The following MTUS1 variants were observed in gnomAD, a reference collection of about 807,000 sequenced individuals.
The protein encoded by MTUS1 is microtubule-associated tumor suppressor 1.
A neutral mutation model predicts 120.8 loss-of-function variants in MTUS1; 109 were observed. The ratio of observed to expected loss-of-function variants is 0.90; its 90% confidence interval spans 0.77 to 1.06. MTUS1 has a LOEUF of 1.06. Among genes scored for constraint, MTUS1 ranks in the 50% least tolerant of loss-of-function variants. MTUS1 has a pLI of 0.00. For synonymous variants in MTUS1, 737 were observed against 550.5 expected, an observed-to-expected ratio of 1.34 and a Z score of -4.74; for missense variants, 2,210 against 1,486.3, an observed-to-expected ratio of 1.49 and a Z score of -8.01.
chr8:17,681,507 A>G (rs1814499337), intron 7 of MTUS1: 1 of 154,812 alleles, frequency 6.5e-6, no homozygotes, highest in East Asian at 1.9e-4. Context: ...CAATTTTCAT[A>G]TTTGTAAATT....
At chr8:17,673,448 G>A (rs554816431) in intron 8 of MTUS1, among the ~76,000 whole-genome samples, 1 of 152,242 alleles carries the variant, frequency 6.6e-6, no homozygotes, top group East Asian at 1.9e-4. Context: ...GGGGAAAAGG[G>A]AAGATGAATG....
intron 8 of MTUS1, among the ~76,000 whole-genome samples, chr8:17,673,635 TG>T (rs1812476044): frequency 6.6e-6 from 1 of 152,132 alleles, no homozygotes; most frequent in African/African-American, 2.4e-5. Context: ...AATTATTTTT[TG>T]TAGAGTCAGG....
intron 1 of MTUS1, among the ~76,000 whole-genome samples, chr8:17,772,612 T>C (rs1463625203): frequency 1.3e-5 from 2 of 152,156 alleles, no homozygotes; most frequent in African/African-American, 2.4e-5. Flanking sequence ...CTCTAGTAGG[T>C]TGTTGCAAAG....
At chr8:17,749,887 C>T (rs2048055816) in intron 2 of MTUS1, among the ~76,000 whole-genome samples, 1 of 152,098 alleles carries the variant, frequency 6.6e-6, no homozygotes, top group Non-Finnish European at 1.5e-5. Flanking sequence ...TGTCATGGGC[C>T]ACTGGTCACT....
chr8:17,755,724 T>C lies in MTUS1; in HGVS notation c.84A>G (p.Ala28=), dbSNP rs2048562599. 1 of 1,614,202 alleles carries C rather than the reference T, an allele frequency of 6.2e-7. No individual in the cohort carries two copies. The highest frequency in any genetic ancestry group is 8.5e-7 in the Non-Finnish European group (1 of 1,180,022). The change falls in exon 2 of 15, where the codon GCA becomes GCG. Residue 28 remains alanine, a synonymous_variant. Transcript: ENST00000693296. Reference sequence around the variant, plus strand: ...GTGTAGGTGGTGATTTCGGGTTGTATGCATGTGTATTTCCATCTTTATCAC... The same window carrying C: ...GTGTAGGTGGTGATTTCGGGTTGTACGCATGTGTATTTCCATCTTTATCAC... The part of the protein sequence containing the change: ...FTSDKDGNTH[A]YNPKSPPTQN...
At chr8:17,764,264 A>C (rs1187168131) in intron 1 of MTUS1, among the ~76,000 whole-genome samples, 1 of 152,202 alleles carries the variant, frequency 6.6e-6, no homozygotes, top group Non-Finnish European at 1.5e-5. Context: ...TTGGGGATAC[A>C]GAGAATCAGG....
At chr8:17,714,832 T>TCTCA (rs1034295206) in intron 5 of MTUS1, among the ~76,000 whole-genome samples, 3 of 151,564 alleles carry the variant, frequency 2.0e-5, no homozygotes, top group African/African-American at 7.3e-5. Context: ...AGGTCAAGTT[T>TCTCA]CTCACTCACA....
chr8:17,776,963 A>C (rs955760799), intron 1 of MTUS1, among the ~76,000 whole-genome samples: 1 of 152,080 alleles, frequency 6.6e-6, no homozygotes, highest in East Asian at 1.9e-4. Context: ...ATTTCATGAT[A>C]TCTTACTTAA....
At chr8:17,799,469 G>A (rs1466831170) in intron 1 of MTUS1, among the ~76,000 whole-genome samples, 1 of 151,954 alleles carries the variant, frequency 6.6e-6, no homozygotes, top group African/African-American at 2.4e-5. Context: ...GATTATCTTT[G>A]CTGAAATTGC....
chr8:17,701,970 A>T (rs529576421), intron 6 of MTUS1, among the ~76,000 whole-genome samples: 237 of 152,320 alleles, frequency 1.6e-3, no homozygotes, highest in Non-Finnish European at 1.6e-3. Context: ...TTTCCATGGG[A>T]TTAAATAAGC....
Position 17,655,983 on chromosome 8 carries a change from G to C in MTUS1, c.2988C>G (p.His996Gln), listed in dbSNP as rs1413110224. The change falls in exon 9 of 15, where the codon CAC becomes CAG. Residue 996 changes from histidine to glutamine, a missense_variant. Transcript: ENST00000693296. ...QTVYEAFVQQ[H>Q]QAEKTERENR... ...TCTCTCGTTCTGTTTTTTCAGCCTG[G>C]TGCTGCTGGACGAATGCTTCATACA... 1 of 1,614,170 alleles carries C rather than the reference G, an allele frequency of 6.2e-7. No homozygotes were observed. The highest frequency in any genetic ancestry group is 1.1e-5 in the South Asian group (1 of 91,082).
At chr8:17,701,522 T>C (rs2130914220) in intron 6 of MTUS1, among the ~76,000 whole-genome samples, 1 of 152,306 alleles carries the variant, frequency 6.6e-6, no homozygotes, top group South Asian at 2.1e-4. Context: ...ATGTTTGTTT[T>C]TAAAAAACAA....
chr8:17,722,257 A>G, intron 4 of MTUS1: 2 of 993,054 alleles, frequency 2.0e-6, no homozygotes, highest in South Asian at 9.3e-5. Flanking sequence ...TGTCGATGGA[A>G]AACACGGGGC....
intron 3 of MTUS1, chr8:17,724,059 A>G: frequency 3.5e-6 from 2 of 577,182 alleles, no homozygotes; most frequent in Middle Eastern, 2.7e-4. Context: ...TTAGGATATG[A>G]GAAGTGTAGG....
intron 1 of MTUS1, among the ~76,000 whole-genome samples, chr8:17,788,179 C>A (rs957734790): frequency 2.0e-5 from 3 of 152,060 alleles, no homozygotes; most frequent in Non-Finnish European, 4.4e-5. Context: ...TTGGTGTGAT[C>A]GTTACACCAA....
chr8:17,691,624 T>C (rs1381576755), intron 6 of MTUS1, among the ~76,000 whole-genome samples: 3 of 152,164 alleles, frequency 2.0e-5, no homozygotes, highest in Non-Finnish European at 4.4e-5. Context: ...TCGTTCTTCT[T>C]CACCTTGGTC....
intron 7 of MTUS1, among the ~76,000 whole-genome samples, chr8:17,679,486 ATTTT>A (rs1813852337): frequency 6.7e-6 from 1 of 149,284 alleles, no homozygotes; most frequent in African/African-American, 2.5e-5. Flanking sequence ...AACTATTTTT[ATTTT>A]ATTTATTTAT....
chr8:17,650,074 A>C, intron 12 of MTUS1, 112 bp from the exon 13 acceptor site: 1 of 737,562 alleles, frequency 1.4e-6, no homozygotes, highest in Admixed American at 2.1e-5. Context: ...ACAGATGTTC[A>C]TCATCTTAGA....
intron 1 of MTUS1, among the ~76,000 whole-genome samples, chr8:17,796,419 C>G (rs918376039): frequency 1.5e-4 from 7 of 45,424 alleles, no homozygotes; most frequent in Non-Finnish European, 3.0e-4. Flanking sequence ...TCTAAAGTAC[C>G]TGAAAGCTAT....
Sources: allele counts gnomAD v4.1 joint callset (sites outside exome capture counted in the v4.1 genomes callset), GRCh38; gene constraint gnomAD v4.1.1; transcripts MANE v1.5; gene names NCBI Gene and HGNC (gene_info 2026-07-23, HGNC 2026-07-21).